RSPO4: variants seen among roughly 807,000 people sequenced by gnomAD.
RSPO4 encodes the protein R-spondin 4.
A neutral mutation model predicts 24.8 loss-of-function variants in RSPO4; 23 were observed. The ratio of observed to expected loss-of-function variants is 0.93; its 90% confidence interval spans 0.67 to 1.31. RSPO4 has a LOEUF of 1.31. RSPO4 is among the 40% of genes most tolerant of loss of function. The pLI is 0.00. For missense variants in RSPO4, 333 were observed against 316.5 expected, an observed-to-expected ratio of 1.05 and a Z score of -0.39; for synonymous variants, 141 against 127.4, an observed-to-expected ratio of 1.11 and a Z score of -0.72.
At chr20:966,284 G>GT (rs1414076883) in intron 3 of RSPO4, among the ~76,000 whole-genome samples, 1 of 152,036 alleles carries the variant, frequency 6.6e-6, no homozygotes, top group Non-Finnish European at 1.5e-5. Flanking sequence ...AGGCAGGAGT[G>GT]TGACAAGGAG....
In RSPO4 at chr20:974,183, G is replaced by A. The variant is rs551787722; in HGVS notation, c.80-6045C>T. Among the ~76,000 whole-genome samples, 3 of 152,274 alleles carry A rather than the reference G, an allele frequency of 2.0e-5. No individual in the cohort carries two copies. In the East Asian group the frequency reaches 5.8e-4, roughly 29 times the overall value. The stretch of plus-strand genomic sequence containing the variant: ...AGAGGCTTGTAAAGCGTCTGCTGTG[G>A]GCCAGGAATGTGCACTTTAACAAGT... On this transcript the variant is annotated intron_variant, in intron 1 of 4. Transcript: ENST00000217260.
At chr20:962,610 T>G (rs1984037782) in intron 4 of RSPO4, among the ~76,000 whole-genome samples, 1 of 152,140 alleles carries the variant, frequency 6.6e-6, no homozygotes, top group Admixed American at 6.5e-5. Context: ...AACCTCACTC[T>G]GTCCTCACCT....
At chr20:960,499 G>T in intron 4 of RSPO4, 33 bp from the exon 5 acceptor site, 4 of 1,485,118 alleles carry the variant, frequency 2.7e-6, no homozygotes, top group Non-Finnish European at 3.6e-6. Flanking sequence ...GGTGACCAAG[G>T]CTGCAGGGCC....
At chr20:971,385 G>C (rs548968050) in intron 1 of RSPO4, among the ~76,000 whole-genome samples, 1 of 152,208 alleles carries the variant, frequency 6.6e-6, no homozygotes, top group Non-Finnish European at 1.5e-5. Context: ...AGAAACCCTT[G>C]TATATGTGTA....
intron 1 of RSPO4, among the ~76,000 whole-genome samples, chr20:987,904 G>T (rs114761485): frequency 6.6e-6 from 1 of 152,380 alleles, no homozygotes; most frequent in African/African-American, 2.4e-5. Context: ...AGGCACTGCA[G>T]ATACATCAGT....
intron 4 of RSPO4, among the ~76,000 whole-genome samples, chr20:961,810 C>T (rs1407722131): frequency 1.3e-5 from 2 of 151,934 alleles, no homozygotes; most frequent in East Asian, 3.9e-4. Flanking sequence ...CCCACCTACA[C>T]ACTCACCCAC....
At chr20:993,509 C>CT (rs1220788048) in intron 1 of RSPO4, among the ~76,000 whole-genome samples, 2 of 152,144 alleles carry the variant, frequency 1.3e-5, no homozygotes, top group Non-Finnish European at 2.9e-5. Flanking sequence ...CCCAGCCTGG[C>CT]TGTGTGTCCT....
At chr20:984,962 CCCA>C (rs1984862088) in intron 1 of RSPO4, among the ~76,000 whole-genome samples, 1 of 127,506 alleles carries the variant, frequency 7.8e-6, no homozygotes, top group Non-Finnish European at 1.6e-5. Flanking sequence ...CACCCACCCA[CCCA>C]TCTATCCATC....
rs953573748 is a variant in RSPO4, at chr20:968,261, G to T, written c.80-123C>A. 3 of 811,282 alleles carry T rather than the reference G, an allele frequency of 3.7e-6. No individual in the cohort carries two copies. In the East Asian group the frequency reaches 8.0e-5, roughly 22 times the overall value. The allele number at this position is 811,282 out of a possible 1,614,324, so 50.3% of individuals were successfully genotyped here. On this transcript the variant is annotated intron_variant, in intron 1 of 4. Transcript: ENST00000217260. ...TGGGCACATGGCCACCCAAACAAAA[G>T]ACTACATTTCCCACCTTCCCTTACA... is the stretch of plus-strand genomic sequence containing the variant.
At chr20:995,128 TCA>T (rs1985234293) in intron 1 of RSPO4, among the ~76,000 whole-genome samples, 1 of 152,224 alleles carries the variant, frequency 6.6e-6, no homozygotes, top group Admixed American at 6.5e-5. Flanking sequence ...CTCAAAGGTC[TCA>T]CTTGGCCTTT....
chr20:963,061 A>G (rs1365129815), intron 4 of RSPO4, among the ~76,000 whole-genome samples: 1 of 152,212 alleles, frequency 6.6e-6, no homozygotes, highest in Non-Finnish European at 1.5e-5. Flanking sequence ...CCTCTCTTCT[A>G]TGTAAATCAG....
In RSPO4 at chr20:968,043, G is replaced by A. The variant is rs199844911; in HGVS notation, c.175C>T (p.Arg59Cys). 6.4e-5 allele frequency: 104 copies of A among 1,614,194 alleles called. No individual in the cohort carries two copies. In the East Asian group the frequency reaches 1.2e-3, roughly 19 times the overall value. ...TCQQRLFLFI[R>C]REGIRQYGKC... ...CCGTACTGGCGGATGCCTTCCCGGC[G>A]GATGAACAGGAAGAGCCTCTGCTGG... The change falls in exon 2 of 5, where the codon CGC becomes TGC. Residue 59 changes from arginine (R) to cysteine (C), a missense_variant. Coordinates refer to ENST00000217260, the MANE Select transcript of RSPO4 (RefSeq NM_001029871.4).
chr20:967,854 C>T (rs944939838), intron 2 of RSPO4, 96 bp downstream of exon 2: 22 of 1,244,542 alleles, frequency 1.8e-5, no homozygotes, highest in Middle Eastern at 1.9e-4. Context: ...CATGCACCTA[C>T]TTCCCCTCTG....
At chr20:978,102 C>T (rs779787777) in intron 1 of RSPO4, among the ~76,000 whole-genome samples, 2 of 152,144 alleles carry the variant, frequency 1.3e-5, no homozygotes, top group Non-Finnish European at 2.9e-5. Context: ...GGCTAGAGGT[C>T]GCTAGCCCAC....
chr20:958,922 G>A lies in RSPO4; in HGVS notation c.*1435C>T, dbSNP rs1265099580. On this transcript the variant is annotated 3_prime_UTR_variant, in exon 5 of 5. Transcript: ENST00000217260. Reference sequence around the variant, plus strand: ...GTTTCTGAGGATTCCGGGGAGCAGAGCAGGAAGGGGGTGTTATGATGGCAG... The same window carrying A: ...GTTTCTGAGGATTCCGGGGAGCAGAACAGGAAGGGGGTGTTATGATGGCAG... 6.5e-6 allele frequency: 1 copy of A among 152,726 alleles called. No individual in the cohort carries two copies. The highest frequency in any genetic ancestry group is 1.9e-4 in the East Asian group (1 of 5,188). The allele number at this position is 152,726 out of a possible 1,614,324, so 9.5% of individuals were successfully genotyped here.
chr20:996,828 C>T (rs1234433776), intron 1 of RSPO4, among the ~76,000 whole-genome samples: 2 of 150,178 alleles, frequency 1.3e-5, no homozygotes, highest in South Asian at 2.1e-4. Flanking sequence ...CCTTCGGCCA[C>T]GCAGTCCCTT....
chr20:984,900 CCCAT>C (rs145687007), intron 1 of RSPO4, among the ~76,000 whole-genome samples: 2,433 of 147,232 alleles, frequency 0.017, 128 homozygotes, highest in East Asian at 0.14. Flanking sequence ...TCTATCCATC[CCCAT>C]CCATCCATCC....
At chr20:964,335 G>T (rs182081807) in intron 3 of RSPO4, among the ~76,000 whole-genome samples, 5 of 152,188 alleles carry the variant, frequency 3.3e-5, no homozygotes, top group Non-Finnish European at 5.9e-5. Context: ...CAGAGCGGCC[G>T]ACTGTCTAGC....
intron 1 of RSPO4, among the ~76,000 whole-genome samples, chr20:972,363 G>A (rs1003976972): frequency 6.6e-6 from 1 of 152,234 alleles, no homozygotes; most frequent in Non-Finnish European, 1.5e-5. Context: ...ACAGCGCCCG[G>A]CTGGAACCCT....
Sources: gnomAD v4.1 joint callset for allele counts (sites outside exome capture counted in the v4.1 genomes callset) on GRCh38, gnomAD v4.1.1 for gene constraint, MANE v1.5 for transcripts, NCBI Gene and HGNC (gene_info 2026-07-23, HGNC 2026-07-21) for gene names.